The following DNAJC30 variants were observed in gnomAD, a reference collection of about 807,000 sequenced individuals.
DNAJC30 encodes the protein DnaJ heat shock protein family (Hsp40) member C30.
In DNAJC30, 16 loss-of-function variants were observed where a neutral mutation model predicts 15.4. The observed-to-expected ratio is 1.04, with a 90% confidence interval of 0.70 to 1.58. The LOEUF is 1.58. DNAJC30 is among the 40% of genes most tolerant of loss of function. The pLI is 0.00. For synonymous variants in DNAJC30, 161 were observed against 140.2 expected (o/e 1.15, Z -1.05); for missense variants, 352 against 320.9 (o/e 1.10, Z -0.74).
Position 73,682,611 on chromosome 7 carries a change from G to GAGGGC in DNAJC30, c.*127_*131dup, listed in dbSNP as rs1797743463. On this transcript the variant is annotated 3_prime_UTR_variant, in exon 1 of 1. Coordinates refer to ENST00000395176, the MANE Select transcript of DNAJC30 (RefSeq NM_032317.3). ...CATCGGCTAAGCTGGGCGGGTCGGG[G>GAGGGC]AGGGCAGGGGGAGTACAGTTCCTTC... is the stretch of plus-strand genomic sequence containing the variant. 9 of 1,138,804 alleles carry GAGGGC rather than the reference G, an allele frequency of 7.9e-6. No individual in the cohort carries two copies. The Admixed American group carries it at 1.8e-4, about 22-fold the overall frequency. 70.5% of individuals were successfully genotyped at this position (1,138,804 alleles called of 1,614,324 possible).
chr7:73,683,266 AG>A lies in DNAJC30; in HGVS notation c.157del (p.Leu53CysfsTer130). 6.2e-7 allele frequency: 1 copy of A among 1,614,122 alleles called. No individual in the cohort carries two copies. The highest frequency in any genetic ancestry group is 8.5e-7 in the Non-Finnish European group (1 of 1,180,050). ...CGTGGCTGTGGAGGGGACGCCGAGC[AG>A]ATCATACAGCGCCGTGCGCGAATAC... Reference protein sequence around the residue: ...CSYSRTALYDLLGVPSTATQA... With the variant: ...CSYSRTALYDXLGVPSTATQA... On this transcript the variant is annotated frameshift_variant, in exon 1 of 1. Transcript: ENST00000395176. LOFTEE classifies it high-confidence loss of function.
Position 73,682,089 on chromosome 7 carries a change from G to A in DNAJC30, c.*654C>T, listed in dbSNP as rs1797727907. 1 of 152,384 alleles carries A rather than the reference G, an allele frequency of 6.6e-6. No individual in the cohort carries two copies. 9.4% of individuals were successfully genotyped at this position (152,384 alleles called of 1,614,324 possible). On this transcript the variant is annotated 3_prime_UTR_variant, in exon 1 of 1. Transcript: ENST00000395176. ...TTCTCCAAGGTCACACATTAAATAT[G>A]GGCACAGGAACACTCATTCCTTATG...
Position 73,683,390 on chromosome 7 carries a change from G to A in DNAJC30, c.34C>T (p.Leu12=). The change falls in exon 1 of 1, where the codon CTG becomes TTG. Residue 12 remains leucine, a synonymous_variant. Transcript: ENST00000395176. The part of the protein sequence containing the change: ...AAMRWRWWQR[L]LPWRLLQARG... ...GCCTGCAGCAACCTCCAAGGTAACA[G>A]CCGCTGCCACCATCGCCAGCGCATG... 2 of 1,612,280 alleles carry A rather than the reference G, an allele frequency of 1.2e-6. No individual in the cohort carries two copies. Among genetic ancestry groups the A allele is most frequent in the Non-Finnish European group, 1.7e-6 (2 of 1,179,524 alleles).
rs782113420 is a variant in DNAJC30, at chr7:73,682,823, G to C, written c.601C>G (p.Leu201Val). 3 of 1,614,136 alleles carry C rather than the reference G, an allele frequency of 1.9e-6. No homozygotes were observed. The highest frequency in any genetic ancestry group is 2.2e-5 in the South Asian group (2 of 91,084). The part of the protein sequence containing the change: ...KRQEYRSMKG[L>V]RWEDTRDTAA... ...GTGTCTCGGGTATCCTCCCAGCGGAGGCCTTTCATGGACCGATACTCCTGC... is the reference window on the plus strand; with the variant it reads ...GTGTCTCGGGTATCCTCCCAGCGGACGCCTTTCATGGACCGATACTCCTGC... Residue 201 changes from leucine (L) to valine (V), a missense_variant, in exon 1 of 1, where the codon CTC becomes GTC. By Grantham distance (32) the Leu-to-Val change is conservative. Transcript: ENST00000395176.
At position 73,682,874 on chromosome 7, in the gene DNAJC30, C is replaced by G; in HGVS notation, c.550G>C (p.Ala184Pro). The change falls in exon 1 of 1, where the codon GCC (alanine) becomes CCC (proline). Residue 184 changes from alanine to proline, a missense_variant. Coordinates refer to ENST00000395176, the MANE Select transcript of DNAJC30 (RefSeq NM_032317.3). ...EQLERERRLRARREALRKRQE... is the reference protein window; with the variant it reads ...EQLERERRLRPRREALRKRQE... ...CGTTTGCGAAGGGCCTCCCGCCGGG[C>G]CCTCAGGCGCCGTTCCCGCTCCAGT... 1 of 1,614,120 alleles carries G rather than the reference C, an allele frequency of 6.2e-7. No individual in the cohort carries two copies. The highest frequency in any genetic ancestry group is 1.1e-5 in the South Asian group (1 of 91,086).
rs782533339 is a variant in DNAJC30, at chr7:73,682,970, G to C, written c.454C>G (p.Arg152Gly). The C allele has an allele frequency of 1.1e-5, 18 of 1,606,548 alleles. No individual in the cohort carries two copies. The highest frequency in any genetic ancestry group is 1.5e-5 in the Non-Finnish European group (18 of 1,175,372). The change falls in exon 1 of 1, where the codon CGG becomes GGG. Residue 152 changes from arginine (R) to glycine (G), a missense_variant. Coordinates refer to ENST00000395176, the MANE Select transcript of DNAJC30 (RefSeq NM_032317.3). ...GTGCGGTTGGCGCCGGGGGAGGCCCGAGAACCGTCGTGGGTCCGAGAGGTG... is the reference window on the plus strand; with the variant it reads ...GTGCGGTTGGCGCCGGGGGAGGCCCCAGAACCGTCGTGGGTCCGAGAGGTG... ...PPTSRTHDGS[R>G]ASPGANRTMF... is the part of the protein sequence containing the mutation.
Position 73,682,660 on chromosome 7 carries a change from C to T in DNAJC30, c.*83G>A. 1 of 1,493,164 alleles carries T rather than the reference C, an allele frequency of 6.7e-7. No individual in the cohort carries two copies. The highest frequency in any genetic ancestry group is 1.4e-5 in the African/African-American group (1 of 71,300). The allele number at this position is 1,493,164 out of a possible 1,614,324, so 92.5% of individuals were successfully genotyped here. A position where few individuals can be genotyped will look rare whatever the true frequency, so the allele number is the denominator to read the frequency against. ...TCGGATCCCAGCAAAGGTAGACTAT[C>T]AATGGCCAAGGGTTCAGAGGCAGGA... On this transcript the variant is annotated 3_prime_UTR_variant, in exon 1 of 1. Coordinates refer to ENST00000395176, the MANE Select transcript of DNAJC30 (RefSeq NM_032317.3).
Position 73,683,059 on chromosome 7 carries a change from C to A in DNAJC30, c.365G>T (p.Gly122Val). The change falls in exon 1 of 1, where the codon GGA (glycine) becomes GTA (valine). Residue 122 changes from glycine (G) to valine (V), a missense_variant. Transcript: ENST00000395176. Reference sequence around the variant, plus strand: ...CGTCCTGGAGGGCCGGACGCCAGGTCCGCGCAGGTCCTCGTCGCTGAGTAG... The same window carrying A: ...CGTCCTGGAGGGCCGGACGCCAGGTACGCGCAGGTCCTCGTCGCTGAGTAG... ...RGLLSDEDLRGPGVRPSRTPA... is the reference protein window; with the variant it reads ...RGLLSDEDLRVPGVRPSRTPA... The A allele has an allele frequency of 6.3e-7, 1 of 1,597,524 alleles. No homozygotes were observed. The highest frequency in any genetic ancestry group is 1.1e-5 in the South Asian group (1 of 89,624).
In DNAJC30 at chr7:73,683,193, G is replaced by A. The variant is rs1489151097; in HGVS notation, c.231C>T (p.His77=). 1.2e-6 allele frequency: 2 copies of A among 1,614,214 alleles called. No individual in the cohort carries two copies. The highest frequency in any genetic ancestry group is 1.7e-6 in the Non-Finnish European group (2 of 1,180,046). Residue 77 remains histidine (H), a synonymous_variant, in exon 1 of 1, where the codon CAC becomes CAT. Coordinates refer to ENST00000395176, the MANE Select transcript of DNAJC30 (RefSeq NM_032317.3). ...AAYYRQCFLY[H]PDRNSGSAEA... ...CCGCGCTCCCGGAGTTGCGGTCCGG[G>A]TGGTAGAGAAAGCACTGACGGTAGT...
rs782537359 is a variant in DNAJC30 at position 73,682,944 on chromosome 7, C to T, written c.480G>A (p.Thr160=). Residue 160 remains threonine (T), a synonymous_variant, in exon 1 of 1, where the codon ACG becomes ACA. Transcript: ENST00000395176. ...GGTAGAAGGCGTCAAAGTTGAACAT[C>T]GTGCGGTTGGCGCCGGGGGAGGCCC... The part of the protein sequence containing the change: ...GSRASPGANR[T]MFNFDAFYQA... The T allele has an allele frequency of 3.1e-6, 5 of 1,611,794 alleles. No homozygotes were observed. In the South Asian group the frequency reaches 4.4e-5, roughly 14 times the overall value.
At position 73,683,157 on chromosome 7, in the gene DNAJC30, C is replaced by T. The variant is rs782347859; in HGVS notation, c.267G>A (p.Glu89=). 6.2e-7 allele frequency: 1 copy of T among 1,614,144 alleles called. No homozygotes were observed. Among genetic ancestry groups the T allele is most frequent in the East Asian group, 2.2e-5 (1 of 44,882 alleles). Residue 89 remains glutamate, a synonymous_variant, in exon 1 of 1, where the codon GAG becomes GAA. Coordinates refer to ENST00000395176, the MANE Select transcript of DNAJC30 (RefSeq NM_032317.3). Reference sequence around the variant, plus strand: ...AGGCCTGGGAGATGCGCGTGAAGCGCTCGGCGGCCTCCGCGCTCCCGGAGT... The same window carrying T: ...AGGCCTGGGAGATGCGCGTGAAGCGTTCGGCGGCCTCCGCGCTCCCGGAGT... The part of the protein sequence containing the change: ...DRNSGSAEAA[E]RFTRISQAYV...
In DNAJC30 at chr7:73,682,778, A is replaced by C; in HGVS notation, c.646T>G (p.Phe216Val). Residue 216 changes from phenylalanine to valine, a missense_variant, in exon 1 of 1, where the codon TTT (phenylalanine) becomes GTT (valine). Transcript: ENST00000395176. ...TRDTAAIFLIFSIFIIIGFYI is the reference protein window; with the variant it reads ...TRDTAAIFLIVSIFIIIGFYI Reference sequence around the variant, plus strand: ...AAGCCGATGATGATGAAGATTGAAAAGATGAGGAAAATGGCAGCCGTGTCT... The same window carrying C: ...AAGCCGATGATGATGAAGATTGAAACGATGAGGAAAATGGCAGCCGTGTCT... The C allele has an allele frequency of 6.2e-7, 1 of 1,610,596 alleles. No homozygotes were observed. The highest frequency in any genetic ancestry group is 8.5e-7 in the Non-Finnish European group (1 of 1,177,608).
rs1797760315 is a variant in DNAJC30, at chr7:73,682,926, G to A, written c.498C>T (p.Ala166=). 3 of 1,613,944 alleles carry A rather than the reference G, an allele frequency of 1.9e-6. No individual in the cohort carries two copies. The highest frequency in any genetic ancestry group is 2.5e-6 in the Non-Finnish European group (3 of 1,180,004). ...GTTCCCCGTAGTGGGCCTGGTAGAAGGCGTCAAAGTTGAACATCGTGCGGT... is the reference window on the plus strand; with the variant it reads ...GTTCCCCGTAGTGGGCCTGGTAGAAAGCGTCAAAGTTGAACATCGTGCGGT... ...GANRTMFNFD[A]FYQAHYGEQL... Residue 166 remains alanine, a synonymous_variant, in exon 1 of 1, where the codon GCC becomes GCT. Coordinates refer to ENST00000395176, the MANE Select transcript of DNAJC30 (RefSeq NM_032317.3).
rs965912564 is a variant in DNAJC30, at chr7:73,683,131, T to C, written c.293A>G (p.Tyr98Cys). The change falls in exon 1 of 1, where the codon TAC (tyrosine) becomes TGC (cysteine). Residue 98 changes from tyrosine (Y) to cysteine (C), a missense_variant. Transcript: ENST00000395176. ...GAGGGTGGCACTGCCCAGCACCACGTAGGCCTGGGAGATGCGCGTGAAGCG... is the reference window on the plus strand; with the variant it reads ...GAGGGTGGCACTGCCCAGCACCACGCAGGCCTGGGAGATGCGCGTGAAGCG... The part of the protein sequence containing the change: ...AERFTRISQA[Y>C]VVLGSATLRR... The C allele has an allele frequency of 6.2e-7, 1 of 1,614,002 alleles. No homozygotes were observed. The highest frequency in any genetic ancestry group is 8.5e-7 in the Non-Finnish European group (1 of 1,179,982).
chr7:73,683,150 T>G lies in DNAJC30; in HGVS notation c.274A>C (p.Thr92Pro). 1.9e-6 allele frequency: 3 copies of G among 1,614,076 alleles called. No individual in the cohort carries two copies. Among genetic ancestry groups the G allele is most frequent in the Non-Finnish European group, 2.5e-6 (3 of 1,180,010 alleles). ...SGSAEAAERF[T>P]RISQAYVVLG... ...ACCACGTAGGCCTGGGAGATGCGCG[T>G]GAAGCGCTCGGCGGCCTCCGCGCTC... Residue 92 changes from threonine (T) to proline (P), a missense_variant, in exon 1 of 1, where the codon ACG (threonine) becomes CCG (proline). Thr to Pro is a conservative substitution (Grantham distance 38). Transcript: ENST00000395176.
At position 73,683,322 on chromosome 7, in the gene DNAJC30, T is replaced by A; in HGVS notation, c.102A>T (p.Gly34=). The A allele has an allele frequency of 3.7e-6, 6 of 1,613,842 alleles. No individual in the cohort carries two copies. In the South Asian group the frequency reaches 6.6e-5, roughly 18 times the overall value. ...AGTCGCCCTGGGAATAAGTCCTCGC[T>A]CCTAGGCCCAGGCTGGGTGCAGAAT... is the stretch of plus-strand genomic sequence containing the variant. ...PQNSAPSLGL[G]ARTYSQGDCS... is the part of the protein sequence containing the mutation. The change falls in exon 1 of 1, where the codon GGA becomes GGT. Residue 34 remains glycine, a synonymous_variant. Transcript: ENST00000395176.
In DNAJC30 at chr7:73,682,423, G is replaced by A. The variant is rs1300568779; in HGVS notation, c.*320C>T. On this transcript the variant is annotated 3_prime_UTR_variant, in exon 1 of 1. Transcript: ENST00000395176. ...TAAAGCTACAGCGAGTGTTCCAGAAGTTGACCACATCTGGAAGCAAGAAGA... is the reference window on the plus strand; with the variant it reads ...TAAAGCTACAGCGAGTGTTCCAGAAATTGACCACATCTGGAAGCAAGAAGA... 1 of 260,776 alleles carries A rather than the reference G, an allele frequency of 3.8e-6. No individual in the cohort carries two copies. Among genetic ancestry groups the A allele is most frequent in the African/African-American group, 2.2e-5 (1 of 45,178 alleles). The allele number at this position is 260,776 out of a possible 1,614,324, so 16.2% of individuals were successfully genotyped here.
Position 73,682,596 on chromosome 7 carries a change from G to T in DNAJC30, c.*147C>A. The T allele has an allele frequency of 1.0e-6, 1 of 957,274 alleles. No homozygotes were observed. Among genetic ancestry groups the T allele is most frequent in the Non-Finnish European group, 1.5e-6 (1 of 667,618 alleles). The allele number at this position is 957,274 out of a possible 1,614,324, so 59.3% of individuals were successfully genotyped here. ...GAGCGATGTGCAGGTCATCGGCTAA[G>T]CTGGGCGGGTCGGGGAGGGCAGGGG... On this transcript the variant is annotated 3_prime_UTR_variant, in exon 1 of 1. Transcript: ENST00000395176.
Position 73,683,307 on chromosome 7 carries a change from G to A in DNAJC30, c.117C>T (p.Ser39=), listed in dbSNP as rs1554611810. The A allele has an allele frequency of 1.9e-6, 3 of 1,613,812 alleles. No individual in the cohort carries two copies. Among genetic ancestry groups the A allele is most frequent in the Non-Finnish European group, 2.5e-6 (3 of 1,180,058 alleles). Reference sequence around the variant, plus strand: ...TGCGCGAATACGAGCAGTCGCCCTGGGAATAAGTCCTCGCTCCTAGGCCCA... The same window carrying A: ...TGCGCGAATACGAGCAGTCGCCCTGAGAATAAGTCCTCGCTCCTAGGCCCA... ...PSLGLGARTY[S]QGDCSYSRTA... Residue 39 remains serine (S), a synonymous_variant, in exon 1 of 1, where the codon TCC becomes TCT. Coordinates refer to ENST00000395176, the MANE Select transcript of DNAJC30 (RefSeq NM_032317.3).
Sources: allele counts gnomAD v4.1 joint callset, GRCh38; gene constraint gnomAD v4.1.1; transcripts MANE v1.5; gene names NCBI Gene and HGNC (gene_info 2026-07-23, HGNC 2026-07-21).